Variants in DAB1 observed in about 807,000 individuals in gnomAD.
The protein encoded by DAB1 is disabled homolog 1.
In DAB1, 15 loss-of-function variants were observed where a neutral mutation model predicts 64.6. The ratio of observed to expected loss-of-function variants is 0.23; its 90% CI spans 0.16 to 0.36. The LOEUF (loss-of-function observed/expected upper bound fraction) is 0.36, where lower values mean the gene tolerates loss of function less well. Ranked by LOEUF, DAB1 falls within the 10% of genes least tolerant of loss-of-function variation. The pLI is 1.00. For missense variants in DAB1, 596 were observed against 706.7 expected (o/e 0.84, Z 1.78); for synonymous variants, 235 against 251.9 (o/e 0.93, Z 0.64).
chr1:57,157,966 G>A (rs1481557618), intron 2 of DAB1, among the ~76,000 whole-genome samples: 3 of 152,212 alleles, frequency 2.0e-5, no homozygotes, highest in Non-Finnish European at 4.4e-5. Flanking sequence ...AGGCCACGCT[G>A]CTAAGGAGGG....
At chr1:57,485,085 C>A (rs932091826) in intron 7 of DAB1, among the ~76,000 whole-genome samples, 1 of 152,126 alleles carries the variant, frequency 6.6e-6, no homozygotes, top group Non-Finnish European at 1.5e-5. Flanking sequence ...AGCAGCCAAC[C>A]TCAAGATCTA....
intron 3 of DAB1, among the ~76,000 whole-genome samples, chr1:58,375,558 T>A (rs1267379044): frequency 6.7e-6 from 1 of 149,294 alleles, no homozygotes; most frequent in Non-Finnish European, 1.5e-5. Flanking sequence ...ATAAGCTTTT[T>A]GATGTGCTGC....
intron 4 of DAB1, among the ~76,000 whole-genome samples, chr1:58,174,106 C>T (rs555657183): frequency 1.3e-5 from 2 of 152,334 alleles, no homozygotes; most frequent in South Asian, 2.1e-4. Flanking sequence ...CTCCTCACTG[C>T]TGAGAAAGGA....
chr1:58,060,542 G>T (rs1365750359), intron 5 of DAB1, among the ~76,000 whole-genome samples: 4 of 152,212 alleles, frequency 2.6e-5, no homozygotes, highest in African/African-American at 7.2e-5. Flanking sequence ...ATAAGTGGAA[G>T]GGTAAATTGA....
intron 5 of DAB1, among the ~76,000 whole-genome samples, chr1:57,933,345 T>A (rs1644979848): frequency 6.6e-6 from 1 of 152,230 alleles, no homozygotes; most frequent in Non-Finnish European, 1.5e-5. Context: ...TTTTTTCAGT[T>A]TGTTCAGCTT....
At chr1:58,300,637 AGAGAGAGAGAGG>A (rs1466757671) in intron 4 of DAB1, among the ~76,000 whole-genome samples, 692 of 62,826 alleles carry the variant, frequency 0.011, 20 homozygotes, top group East Asian at 0.021. Flanking sequence ...AGAGAGAGAG[AGAGAGAGAGAGG>A]AAGGAAGGAA....
intron 3 of DAB1, among the ~76,000 whole-genome samples, chr1:57,142,506 T>C (rs1658697228): frequency 1.3e-5 from 2 of 152,106 alleles, no homozygotes; most frequent in Admixed American, 6.6e-5. Flanking sequence ...GTTCAGTGCA[T>C]CTGACAGGAG....
chr1:57,882,066 A>T (rs1644152605), intron 1 of DAB1, among the ~76,000 whole-genome samples: 1 of 152,206 alleles, frequency 6.6e-6, no homozygotes, highest in Non-Finnish European at 1.5e-5. Context: ...AGAAAACCTA[A>T]AGAGCCTTTA....
chr1:57,606,599 TTA>T (rs374430881), intron 7 of DAB1, among the ~76,000 whole-genome samples: 7 of 116,232 alleles, frequency 6.0e-5, no homozygotes, highest in South Asian at 2.4e-4. Flanking sequence ...ATATTATATA[TTA>T]TATATATGAA....
intron 11 of DAB1, among the ~76,000 whole-genome samples, chr1:57,022,987 T>A (rs1471627669): frequency 6.6e-6 from 1 of 152,242 alleles, no homozygotes; most frequent in African/African-American, 2.4e-5. Context: ...AAAGACTATT[T>A]GAAAAACAGA....
chr1:57,045,534 C>T (rs535833701), intron 9 of DAB1, among the ~76,000 whole-genome samples: 1 of 152,012 alleles, frequency 6.6e-6, no homozygotes, highest in Non-Finnish European at 1.5e-5. Context: ...TCTGTCTCTA[C>T]TAAAAACACA....
At chr1:57,460,465 A>G (rs74074729) in intron 7 of DAB1, among the ~76,000 whole-genome samples, 6,411 of 152,258 alleles carry the variant, frequency 0.042, 212 homozygotes, top group East Asian at 0.17. Context: ...TGCTGTGAAG[A>G]CCATCAAGGC....
At chr1:57,147,873 T>G (rs1456739917) in intron 2 of DAB1, among the ~76,000 whole-genome samples, 2 of 152,220 alleles carry the variant, frequency 1.3e-5, no homozygotes, top group East Asian at 1.9e-4. Context: ...GCCATGTAAC[T>G]TGTCCAAACT....
chr1:57,206,143 G>T (rs916006912), intron 2 of DAB1, among the ~76,000 whole-genome samples: 2 of 152,236 alleles, frequency 1.3e-5, no homozygotes, highest in Non-Finnish European at 1.5e-5. Flanking sequence ...TTCCAAAGGG[G>T]TTAGCAGGAA....
chr1:58,383,835 T>C (rs1241360480), intron 3 of DAB1, among the ~76,000 whole-genome samples: 2 of 152,238 alleles, frequency 1.3e-5, no homozygotes, highest in African/African-American at 2.4e-5. Flanking sequence ...AATGCTGCAA[T>C]GAATGTGGGT....
At chr1:57,886,233 A>ACTG (rs1644220090), upstream of DAB1, among the ~76,000 whole-genome samples, 1 of 146,234 alleles carries the variant, frequency 6.8e-6, no homozygotes, top group Non-Finnish European at 1.5e-5. Context: ...ATCTCGGCTC[A>ACTG]CTGCAACCTC....
intron 1 of DAB1, among the ~76,000 whole-genome samples, chr1:57,296,077 G>A (rs1673172054): frequency 6.6e-6 from 1 of 152,122 alleles, no homozygotes; most frequent in African/African-American, 2.4e-5. Context: ...CTTGTTTTCT[G>A]TAGTGTTATG....
At chr1:57,666,881 G>A (rs538980117) in intron 6 of DAB1, among the ~76,000 whole-genome samples, 16 of 150,760 alleles carry the variant, frequency 1.1e-4, no homozygotes, top group African/African-American at 3.6e-4. Flanking sequence ...GGAGGGGGAA[G>A]GGGAGAGGGA....
chr1:58,169,032 G>C (rs1266739314), intron 4 of DAB1, among the ~76,000 whole-genome samples: 1 of 152,200 alleles, frequency 6.6e-6, no homozygotes, highest in African/African-American at 2.4e-5. Flanking sequence ...TGCAGTCTAG[G>C]AGGAAAACTA....
Sources: gnomAD v4.1 joint callset for allele counts (sites outside exome capture counted in the v4.1 genomes callset) on GRCh38, gnomAD v4.1.1 for gene constraint, MANE v1.5 for transcripts, NCBI Gene and HGNC (gene_info 2026-07-23, HGNC 2026-07-21) for gene names.